Variants in CHODL observed in about 807,000 individuals in gnomAD.
The protein encoded by CHODL is chondrolectin, also known as transmembrane protein MT75.
Under a neutral mutation model 34.5 loss-of-function variants are expected in CHODL, and 29 were observed. The observed-to-expected ratio is 0.84, with a 90% CI of 0.63 to 1.15. The LOEUF (loss-of-function observed/expected upper bound fraction) is 1.15, where lower values mean the gene tolerates loss of function less well. Among genes scored for constraint, CHODL ranks in the 50% most tolerant of loss-of-function variants. The pLI is 0.00. For synonymous variants in CHODL, 125 were observed against 116.1 expected (o/e 1.08, Z -0.49); for missense variants, 332 against 332.5 (o/e 1.00, Z 0.01).
intron 2 of CHODL, among the ~76,000 whole-genome samples, chr21:18,102,366 T>C (rs1028958475): frequency 3.9e-5 from 6 of 152,210 alleles, no homozygotes; most frequent in African/African-American, 1.4e-4. Flanking sequence ...GACTGAATGT[T>C]AGTAAGTTTT....
intron 2 of CHODL, among the ~76,000 whole-genome samples, chr21:18,108,521 G>T (rs890468611): frequency 4.6e-5 from 7 of 152,144 alleles, no homozygotes; most frequent in African/African-American, 1.7e-4. Flanking sequence ...CCAGATGAGG[G>T]TTAGTGTTGA....
intron 2 of CHODL, among the ~76,000 whole-genome samples, chr21:18,140,757 C>T (rs1688176): frequency 2.4e-4 from 36 of 151,984 alleles, no homozygotes; most frequent in African/African-American, 7.0e-4. Flanking sequence ...TTTGTGTGTA[C>T]GTGCATGTGG....
chr21:18,165,721 G>C (rs2073144862), intron 2 of CHODL, among the ~76,000 whole-genome samples: 1 of 152,288 alleles, frequency 6.6e-6, no homozygotes, highest in Admixed American at 6.5e-5. Flanking sequence ...TATCAAGAGA[G>C]TCACAAAAAT....
At chr21:18,177,126 A>G (rs1464532452) in intron 2 of CHODL, among the ~76,000 whole-genome samples, 1 of 152,082 alleles carries the variant, frequency 6.6e-6, no homozygotes, top group Non-Finnish European at 1.5e-5. Context: ...AAAAAGTCCA[A>G]AGTGTGATAA....
At chr21:18,012,916 A>G (rs948210743) in intron 1 of CHODL, among the ~76,000 whole-genome samples, 1 of 145,206 alleles carries the variant, frequency 6.9e-6, no homozygotes, top group African/African-American at 2.6e-5. Context: ...TCGTTCAGTA[A>G]ATGGATAAAT....
At position 18,017,984 on chromosome 21, in the gene CHODL, G is replaced by T. The variant is rs2064091631; in HGVS notation, c.-144-9888G>T. Among the ~76,000 whole-genome samples the T allele has an allele frequency of 3.3e-5, 5 of 152,324 alleles. No individual in the cohort carries two copies. In the South Asian group the frequency reaches 1.0e-3, roughly 32 times the overall value. ...TCAAAGGAGATTACCTTGGAGCTTT[G>T]TGATTTAATGGCTGCCCTGCTGGGT... is the stretch of plus-strand genomic sequence containing the variant. On this transcript the variant is annotated intron_variant, in intron 1 of 6. Transcript: ENST00000400127.
At chr21:17,930,521 T>C (rs1216604831) in intron 1 of CHODL, among the ~76,000 whole-genome samples, 2 of 152,298 alleles carry the variant, frequency 1.3e-5, no homozygotes, top group East Asian at 3.9e-4. Context: ...GCCTGCCCTT[T>C]CCAAAGCATT....
At chr21:17,932,941 T>C (rs976749689) in intron 1 of CHODL, among the ~76,000 whole-genome samples, 5 of 152,098 alleles carry the variant, frequency 3.3e-5, no homozygotes, top group Non-Finnish European at 7.4e-5. Context: ...GGCAGGGTCA[T>C]AGGATAATAG....
At chr21:18,180,166 T>A (rs2073365296) in intron 2 of CHODL, among the ~76,000 whole-genome samples, 1 of 152,178 alleles carries the variant, frequency 6.6e-6, no homozygotes, top group African/African-American at 2.4e-5. Context: ...TGTTTGTTTG[T>A]TTTTGAGATG....
chr21:18,012,102 G>A (rs1300809480), intron 1 of CHODL, among the ~76,000 whole-genome samples: 2 of 152,202 alleles, frequency 1.3e-5, no homozygotes, highest in Non-Finnish European at 2.9e-5. Context: ...GTTTTGACAT[G>A]TGAAGACTTA....
chr21:18,128,159 G>A (rs1452333578), intron 2 of CHODL, among the ~76,000 whole-genome samples: 12 of 151,276 alleles, frequency 7.9e-5, no homozygotes, highest in Admixed American at 7.9e-4. Flanking sequence ...AAATTAGCTG[G>A]GCGTGGTGGC....
chr21:18,152,670 A>G (rs1311145808), intron 2 of CHODL, among the ~76,000 whole-genome samples: 1 of 152,212 alleles, frequency 6.6e-6, no homozygotes, highest in African/African-American at 2.4e-5. Flanking sequence ...ATCCAACTCC[A>G]GTTTGCTAAG....
intron 2 of CHODL, among the ~76,000 whole-genome samples, chr21:18,215,516 A>G (rs1226350534): frequency 6.6e-6 from 1 of 151,982 alleles, no homozygotes; most frequent in African/African-American, 2.4e-5. Flanking sequence ...CTTGACTCCC[A>G]GGTATGTTGG....
intron 2 of CHODL, among the ~76,000 whole-genome samples, chr21:18,136,119 G>GAA (rs755756494): frequency 3.0e-5 from 4 of 134,366 alleles, no homozygotes; most frequent in Non-Finnish European, 4.6e-5. Flanking sequence ...AAAAAAAAAA[G>GAA]AAAAAGAAAA....
chr21:18,256,471 C>T (rs114740226), intron 1 of CHODL, 38 bp from the exon 2 acceptor site: 18 of 1,532,924 alleles, frequency 1.2e-5, no homozygotes, highest in Middle Eastern at 3.5e-4. Flanking sequence ...AATAGAGTTC[C>T]GATTATCAAT....
chr21:17,955,402 T>C (rs1339422492), intron 1 of CHODL, among the ~76,000 whole-genome samples: 1 of 137,346 alleles, frequency 7.3e-6, no homozygotes, highest in Non-Finnish European at 1.7e-5. Context: ...TTGTCATAGA[T>C]GTAAATACTG....
chr21:18,003,426 CTAAAA>C (rs2063930034), intron 1 of CHODL, among the ~76,000 whole-genome samples: 1 of 149,366 alleles, frequency 6.7e-6, no homozygotes, highest in African/African-American at 2.4e-5. Context: ...ATATATTAAT[CTAAAA>C]TATAATATTA....
At chr21:18,199,626 C>G (rs2073629293) in intron 2 of CHODL, among the ~76,000 whole-genome samples, 1 of 152,096 alleles carries the variant, frequency 6.6e-6, no homozygotes, top group African/African-American at 2.4e-5. Flanking sequence ...CCATCCTCTC[C>G]TATCCTAAAT....
chr21:18,108,837 T>TG (rs1568890511), intron 2 of CHODL, among the ~76,000 whole-genome samples: 4,900 of 146,244 alleles, frequency 0.034, 118 homozygotes, highest in Admixed American at 0.059. Flanking sequence ...CTTTGCAATG[T>TG]TGTGTGTGTG....
Sources: allele counts gnomAD v4.1 joint callset (sites outside exome capture counted in the v4.1 genomes callset), GRCh38; gene constraint gnomAD v4.1.1; transcripts MANE v1.5; gene names NCBI Gene and HGNC (gene_info 2026-07-23, HGNC 2026-07-21).